The following LNX1 variants were observed in gnomAD, a reference collection of about 807,000 sequenced individuals.
The protein encoded by LNX1 is E3 ubiquitin-protein ligase LNX.
Under a neutral mutation model 68.4 loss-of-function variants are expected in LNX1, and 54 were observed. That is an observed-to-expected ratio of 0.79 (90% CI 0.63 to 0.99). The LOEUF is 0.99. Ranked by LOEUF, LNX1 falls within the 50% of genes least tolerant of loss-of-function variation. The probability of loss-of-function intolerance (pLI) is 0.00; values close to 1 mark genes in which losing one functional copy is unlikely to be tolerated. For synonymous variants in LNX1, 336 were observed against 350.0 expected (o/e 0.96, Z 0.45); for missense variants, 906 against 926.4 (o/e 0.98, Z 0.29).
At chr4:53,636,179 CTTTTTTT>C (rs11440722) in intron 1 of LNX1, among the ~76,000 whole-genome samples, 7 of 85,226 alleles carry the variant, frequency 8.2e-5, no homozygotes, top group Non-Finnish European at 1.2e-4. Flanking sequence ...TCTATTACTC[CTTTTTTT>C]TTTTTTTTTT....
intron 6 of LNX1, among the ~76,000 whole-genome samples, chr4:53,484,423 C>T (rs1273553688): frequency 6.6e-6 from 1 of 151,976 alleles, no homozygotes; most frequent in Non-Finnish European, 1.5e-5. Flanking sequence ...ATCAGCCAGT[C>T]GTGGTGGCAG....
chr4:53,643,324 G>GT (rs908726084), intron 1 of LNX1, among the ~76,000 whole-genome samples: 12 of 152,046 alleles, frequency 7.9e-5, no homozygotes, highest in Admixed American at 1.3e-4. Flanking sequence ...TAATTTTTAA[G>GT]TTTTTTGTAG....
In LNX1 at chr4:53,472,493, AAAG is replaced by A. The variant is rs766501779; in HGVS notation, c.1892+4257_1892+4259del. Among the ~76,000 whole-genome samples the A allele has an allele frequency of 1.1e-3, 164 of 152,246 alleles. 1 individual carries two copies. Among genetic ancestry groups the A allele is most frequent in the Admixed American group, 4.2e-3 (64 of 15,282 alleles). On this transcript the variant is annotated intron_variant, in intron 9 of 10. Transcript: ENST00000263925. ...CCTAAAACTTAAAGTATAATAAAAAAAAGAAGAAGAAGAAAGACACAAGGGATC... is the reference window on the plus strand; with the variant it reads ...CCTAAAACTTAAAGTATAATAAAAAAAAGAAGAAGAAAGACACAAGGGATC...
chr4:53,516,563 C>T (rs1468981186), intron 2 of LNX1, among the ~76,000 whole-genome samples: 2 of 152,078 alleles, frequency 1.3e-5, no homozygotes, highest in Non-Finnish European at 2.9e-5. Context: ...AAATGAGTGA[C>T]ATTGGTCTAG....
At chr4:53,571,382 C>T (rs1731157622) in intron 2 of LNX1, among the ~76,000 whole-genome samples, 1 of 151,996 alleles carries the variant, frequency 6.6e-6, no homozygotes, top group African/African-American at 2.4e-5. Context: ...AAGGTAATCA[C>T]ATGAGTTCTT....
intron 9 of LNX1, among the ~76,000 whole-genome samples, chr4:53,473,085 A>G (rs1472675073): frequency 6.6e-6 from 1 of 152,166 alleles, no homozygotes; most frequent in African/African-American, 2.4e-5. Flanking sequence ...TTAGTGAGGT[A>G]AAAAAAGAAA....
intron 2 of LNX1, among the ~76,000 whole-genome samples, chr4:53,598,048 T>C (rs1732833520): frequency 6.6e-6 from 1 of 152,176 alleles, no homozygotes; most frequent in Non-Finnish European, 1.5e-5. Context: ...AAGTAACTTG[T>C]CCAACATGCC....
At chr4:53,550,579 T>C (rs1371073935) in intron 2 of LNX1, among the ~76,000 whole-genome samples, 2 of 152,236 alleles carry the variant, frequency 1.3e-5, no homozygotes, top group Non-Finnish European at 2.9e-5. Context: ...TGGGAATGGC[T>C]AACACAGTGA....
At chr4:53,550,702 A>G (rs1037290237) in intron 2 of LNX1, among the ~76,000 whole-genome samples, 1 of 152,136 alleles carries the variant, frequency 6.6e-6, no homozygotes, top group Non-Finnish European at 1.5e-5. Context: ...TCCTGTGTGG[A>G]TCTCCATTAG....
intron 1 of LNX1, among the ~76,000 whole-genome samples, chr4:53,636,179 C>CTTTTT (rs11440722): frequency 4.7e-5 from 4 of 85,244 alleles, no homozygotes; most frequent in Non-Finnish European, 6.2e-5. Context: ...TCTATTACTC[C>CTTTTT]TTTTTTTTTT....
chr4:53,520,255 C>A lies in LNX1; in HGVS notation c.381-12028G>T, dbSNP rs1206983973. ...CAGGGCTTCCCAGGGACTGAAAGAACTGATTCCATTGTTTAGTTTAAGAAG... is the reference window on the plus strand; with the variant it reads ...CAGGGCTTCCCAGGGACTGAAAGAAATGATTCCATTGTTTAGTTTAAGAAG... On this transcript the variant is annotated intron_variant, in intron 2 of 10. Transcript: ENST00000263925. Among the ~76,000 whole-genome samples, 7 of 152,204 alleles carry A rather than the reference C, an allele frequency of 4.6e-5. No homozygotes were observed. The East Asian group carries it at 1.3e-3, about 29-fold the overall frequency.
chr4:53,525,758 G>A (rs1273309846), intron 2 of LNX1, among the ~76,000 whole-genome samples: 1 of 152,234 alleles, frequency 6.6e-6, no homozygotes, highest in African/African-American at 2.4e-5. Context: ...AGGCAATCCT[G>A]TTAATCTGTG....
At position 53,580,795 on chromosome 4, in the gene LNX1, C is replaced by T. The variant is rs141975035; in HGVS notation, c.-86-6707G>A. On this transcript the variant is annotated intron_variant, in intron 1 of 10. Transcript: ENST00000263925. ...GTATATCCAATCCTTAGAACCATTGCTATCTGAGGAATGTGGGGCTCTCTT... is the reference window on the plus strand; with the variant it reads ...GTATATCCAATCCTTAGAACCATTGTTATCTGAGGAATGTGGGGCTCTCTT... Among the ~76,000 whole-genome samples the T allele has an allele frequency of 4.3e-3, 659 of 152,268 alleles. 6 individuals are homozygous for T. The highest frequency in any genetic ancestry group is 0.014 in the African/African-American group (594 of 41,550).
In LNX1 at chr4:53,545,355, T is replaced by C. The variant is rs534365869; in HGVS notation, c.380+28268A>G. Among the ~76,000 whole-genome samples the C allele has an allele frequency of 2.0e-5, 3 of 152,300 alleles. No individual in the cohort carries two copies. The East Asian group carries it at 5.8e-4, about 29-fold the overall frequency. ...CAGAATCCATCTCAGCCCCCCAACCTGGCCCTACTGAATTATAAAGGTGTG... is the reference window on the plus strand; with the variant it reads ...CAGAATCCATCTCAGCCCCCCAACCCGGCCCTACTGAATTATAAAGGTGTG... On this transcript the variant is annotated intron_variant, in intron 2 of 10. Transcript: ENST00000263925.
chr4:53,611,370 C>A (rs970200631), intron 2 of LNX1, among the ~76,000 whole-genome samples: 6 of 152,072 alleles, frequency 3.9e-5, no homozygotes, highest in African/African-American at 9.7e-5. Context: ...TAGGAAAATT[C>A]AATGCCATAA....
intron 2 of LNX1, among the ~76,000 whole-genome samples, chr4:53,519,762 C>A (rs535140449): frequency 7.9e-5 from 12 of 152,150 alleles, no homozygotes; most frequent in South Asian, 2.1e-4. Context: ...TTCACAACAA[C>A]CTCATGAGAT....
chr4:53,547,670 G>A (rs11939219), intron 2 of LNX1, among the ~76,000 whole-genome samples: 4,574 of 152,230 alleles, frequency 0.03, 83 homozygotes, highest in Non-Finnish European at 0.047. Context: ...TGGCTCATGG[G>A]GCAACCAGGA....
At chr4:53,615,710 A>AT (rs201887408) in intron 2 of LNX1, among the ~76,000 whole-genome samples, 363 of 151,702 alleles carry the variant, frequency 2.4e-3, no homozygotes, top group African/African-American at 7.9e-3. Context: ...AGAGCCTTGG[A>AT]TTTTTTTTTA....
At chr4:53,529,102 A>AACACACCCACACACACAC (rs1727838228) in intron 2 of LNX1, among the ~76,000 whole-genome samples, 1 of 138,322 alleles carries the variant, frequency 7.2e-6, no homozygotes, top group African/African-American at 2.6e-5. Context: ...AGTCCTGACC[A>AACACACCCACACACACAC]ACACACACAC....
Sources: gnomAD v4.1 joint callset for allele counts (sites outside exome capture counted in the v4.1 genomes callset) on GRCh38, gnomAD v4.1.1 for gene constraint, MANE v1.5 for transcripts, NCBI Gene and HGNC (gene_info 2026-07-23, HGNC 2026-07-21) for gene names.